The following CBX5 variants were observed in gnomAD, a reference collection of about 807,000 sequenced individuals.
CBX5 encodes the protein chromobox 5.
Under a neutral mutation model 20.7 loss-of-function variants are expected in CBX5, and 7 were observed. The observed-to-expected ratio is 0.34, with a 90% CI of 0.19 to 0.63. The LOEUF is 0.63. Ranked by LOEUF, CBX5 falls within the 30% of genes least tolerant of loss-of-function variation. The pLI, the probability that CBX5 is intolerant of heterozygous loss-of-function variation, is 0.75. For synonymous variants in CBX5, 78 were observed against 77.0 expected (o/e 1.01, Z -0.07); for missense variants, 110 against 224.1 (o/e 0.49, Z 3.25).
At position 54,231,742 on chromosome 12, in the gene CBX5, T is replaced by A. The variant is rs1452407689; in HGVS notation, c.*10013A>T. Reference sequence around the variant, plus strand: ...ACTGCAGACACTAAGAGATGACAGATGTTGAATACGGTGAATGGGATGAAG... The same window carrying A: ...ACTGCAGACACTAAGAGATGACAGAAGTTGAATACGGTGAATGGGATGAAG... On this transcript the variant is annotated 3_prime_UTR_variant, in exon 5 of 5. Coordinates refer to ENST00000209875, the MANE Select transcript of CBX5 (RefSeq NM_012117.3). 1 of 152,258 alleles carries A rather than the reference T, an allele frequency of 6.6e-6. No homozygotes were observed. Among genetic ancestry groups the A allele is most frequent in the Non-Finnish European group, 1.5e-5 (1 of 68,062 alleles). The allele number at this position is 152,258 out of a possible 1,614,324, so 9.4% of individuals were successfully genotyped here. A position where few individuals can be genotyped will look rare whatever the true frequency, so the allele number is the denominator to read the frequency against.
chr12:54,246,280 G>T, intron 3 of CBX5, 65 bp from the exon 4 acceptor site: 1 of 1,214,248 alleles, frequency 8.2e-7, no homozygotes, highest in Non-Finnish European at 1.2e-6. Flanking sequence ...CCTGCTTCTA[G>T]GCTCAACAAA....
At chr12:54,262,965 CTT>C (rs1173269340) in intron 1 of CBX5, 1 of 152,214 alleles carries the variant, frequency 6.6e-6, no homozygotes, top group African/African-American at 2.4e-5. Context: ...TTTCTGGAGT[CTT>C]TCAGGCATAA....
At chr12:54,270,029 T>C (rs1365852269) in intron 1 of CBX5, among the ~76,000 whole-genome samples, 4 of 152,228 alleles carry the variant, frequency 2.6e-5, no homozygotes, top group African/African-American at 9.6e-5. Flanking sequence ...CCTAATATTG[T>C]TAATTAGTAT....
intron 4 of CBX5, among the ~76,000 whole-genome samples, chr12:54,242,701 C>T (rs1011713699): frequency 1.3e-5 from 2 of 151,832 alleles, no homozygotes; most frequent in African/African-American, 4.8e-5. Flanking sequence ...ATTGGAACAA[C>T]GAGCAAATAA....
intron 1 of CBX5, among the ~76,000 whole-genome samples, chr12:54,261,664 G>A (rs376801018): frequency 8.8e-5 from 12 of 136,162 alleles, no homozygotes; most frequent in East Asian, 2.1e-4. Flanking sequence ...AATTAAAAAC[G>A]GCATTTTTCA....
intron 1 of CBX5, among the ~76,000 whole-genome samples, chr12:54,266,716 A>C (rs1395821267): frequency 6.6e-6 from 1 of 152,220 alleles, no homozygotes; most frequent in East Asian, 1.9e-4. Context: ...TGAAGGTATC[A>C]GTCTGGTAAA....
At chr12:54,254,613 G>A (rs1943845518) in intron 2 of CBX5, among the ~76,000 whole-genome samples, 1 of 152,126 alleles carries the variant, frequency 6.6e-6, no homozygotes. Context: ...AGCACTTTGG[G>A]AAGCAGAAGC....
chr12:54,260,387 G>C (rs1191159605), intron 1 of CBX5, among the ~76,000 whole-genome samples: 1 of 152,220 alleles, frequency 6.6e-6, no homozygotes, highest in East Asian at 1.9e-4. Flanking sequence ...CAGCTCCTCA[G>C]GGGGCTGAGG....
intron 1 of CBX5, among the ~76,000 whole-genome samples, chr12:54,268,466 AAGTG>A: frequency 1.3e-5 from 2 of 152,308 alleles, no homozygotes; most frequent in Admixed American, 1.3e-4. Flanking sequence ...CCAGCTCTTC[AAGTG>A]AGTGTTTTGA....
At chr12:54,243,162 T>C (rs547887357) in intron 4 of CBX5, among the ~76,000 whole-genome samples, 22 of 151,976 alleles carry the variant, frequency 1.4e-4, no homozygotes, top group Non-Finnish European at 2.6e-4. Flanking sequence ...AGAATTATCC[T>C]GAGATGTGGA....
intron 1 of CBX5, among the ~76,000 whole-genome samples, chr12:54,264,412 C>T (rs990907894): frequency 5.3e-5 from 8 of 152,172 alleles, no homozygotes; most frequent in African/African-American, 1.9e-4. Flanking sequence ...CTGCCTTACC[C>T]CCACAAAGCA....
chr12:54,254,282 G>A (rs547659139), intron 2 of CBX5, among the ~76,000 whole-genome samples: 4 of 127,322 alleles, frequency 3.1e-5, no homozygotes, highest in Non-Finnish European at 6.3e-5. Flanking sequence ...GGTGAGCTGA[G>A]TTCGAGCTAT....
intron 1 of CBX5, chr12:54,272,509 T>C (rs963889336): frequency 6.6e-6 from 1 of 152,238 alleles, no homozygotes; most frequent in African/African-American, 2.4e-5. Context: ...AAATTCAGGC[T>C]ACACAGTCTA....
rs2137003435 is a variant in CBX5 at position 54,233,982 on chromosome 12, A to C, written c.*7773T>G. On this transcript the variant is annotated 3_prime_UTR_variant, in exon 5 of 5. Coordinates refer to ENST00000209875, the MANE Select transcript of CBX5 (RefSeq NM_012117.3). Reference sequence around the variant, plus strand: ...CGGATCACAAGGTCAGGAGTTCAAGACCAGCACGGCCAAGATGGTGAACCC... The same window carrying C: ...CGGATCACAAGGTCAGGAGTTCAAGCCCAGCACGGCCAAGATGGTGAACCC... The C allele has an allele frequency of 6.6e-6, 1 of 152,080 alleles. No individual in the cohort carries two copies. The highest frequency in any genetic ancestry group is 2.1e-4 in the South Asian group (1 of 4,808). The allele number at this position is 152,080 out of a possible 1,614,324, so 9.4% of individuals were successfully genotyped here.
At chr12:54,273,350 G>A (rs2137032227) in intron 1 of CBX5, 1 of 152,378 alleles carries the variant, frequency 6.6e-6, no homozygotes, top group South Asian at 2.1e-4. Flanking sequence ...GGCTGAGGCA[G>A]GAGAATAGCT....
chr12:54,241,524 G>C lies in CBX5; in HGVS notation c.*231C>G, dbSNP rs774701984. On this transcript the variant is annotated 3_prime_UTR_variant, in exon 5 of 5. Transcript: ENST00000209875. ...AGGGCAAAGGAAAAAAAAATTGTGG[G>C]TATTACACTCAGTATGTAAATGCCT... is the stretch of plus-strand genomic sequence containing the variant. The C allele has an allele frequency of 2.1e-6, 1 of 482,744 alleles. No individual in the cohort carries two copies. The highest frequency in any genetic ancestry group is 3.4e-5 in the South Asian group (1 of 29,600). The allele number at this position is 482,744 out of a possible 1,614,324, so 29.9% of individuals were successfully genotyped here. A position where few individuals can be genotyped will look rare whatever the true frequency, so the allele number is the denominator to read the frequency against.
chr12:54,250,444 A>G (rs901865394), intron 3 of CBX5, among the ~76,000 whole-genome samples: 4 of 151,986 alleles, frequency 2.6e-5, no homozygotes, highest in African/African-American at 9.7e-5. Flanking sequence ...TTAATTGTAT[A>G]TTATATGATT....
intron 1 of CBX5, among the ~76,000 whole-genome samples, chr12:54,261,814 G>A (rs1395462423): frequency 2.0e-5 from 3 of 152,004 alleles, no homozygotes; most frequent in Non-Finnish European, 4.4e-5. Context: ...TCATTTAAAC[G>A]GGCTAAATAA....
intron 1 of CBX5, among the ~76,000 whole-genome samples, chr12:54,267,877 T>A (rs1410269470): frequency 6.6e-6 from 1 of 152,138 alleles, no homozygotes; most frequent in Non-Finnish European, 1.5e-5. Flanking sequence ...GGCATGGTGG[T>A]TCACGCCTAT....
Sources: allele counts gnomAD v4.1 joint callset (sites outside exome capture counted in the v4.1 genomes callset), GRCh38; gene constraint gnomAD v4.1.1; transcripts MANE v1.5; gene names NCBI Gene and HGNC (gene_info 2026-07-23, HGNC 2026-07-21).